Variants in SLC22A15 observed in about 807,000 individuals in gnomAD.
The protein encoded by SLC22A15 is solute carrier family 22 member 15.
In SLC22A15, 45 loss-of-function variants were observed where a neutral mutation model predicts 62.7. The observed-to-expected ratio is 0.72, with a 90% CI of 0.56 to 0.92. The LOEUF is 0.92. Ranked by LOEUF, SLC22A15 falls within the 40% of genes least tolerant of loss-of-function variation. The probability of loss-of-function intolerance (pLI) is 0.00; values close to 1 mark genes in which losing one functional copy is unlikely to be tolerated. For missense variants in SLC22A15, 622 were observed against 665.6 expected (o/e 0.93, Z 0.72); for synonymous variants, 264 against 267.0 (o/e 0.99, Z 0.11).
At chr1:116,041,777 A>G (rs1657790815) in intron 8 of SLC22A15, among the ~76,000 whole-genome samples, 1 of 152,194 alleles carries the variant, frequency 6.6e-6, no homozygotes, top group African/African-American at 2.4e-5. Context: ...TGATTTGAGC[A>G]TGCATTTGAA....
intron 2 of SLC22A15, among the ~76,000 whole-genome samples, chr1:116,018,829 G>T (rs374114168): frequency 1.3e-5 from 2 of 152,148 alleles, no homozygotes; most frequent in East Asian, 1.9e-4. Context: ...TCATCCTACA[G>T]TGATATGGAT....
intron 8 of SLC22A15, among the ~76,000 whole-genome samples, chr1:116,054,214 A>G (rs1658136159): frequency 6.6e-6 from 1 of 152,112 alleles, no homozygotes; most frequent in Non-Finnish European, 1.5e-5. Flanking sequence ...AGGAAGATCT[A>G]CCAAGCAAAT....
chr1:116,039,502 C>T (rs1221385538), intron 8 of SLC22A15, among the ~76,000 whole-genome samples: 1 of 152,006 alleles, frequency 6.6e-6, no homozygotes, highest in African/African-American at 2.4e-5. Context: ...CATTGTATTC[C>T]AGTCTGGGTG....
At chr1:116,005,708 A>C (rs1182033250) in intron 2 of SLC22A15, among the ~76,000 whole-genome samples, 1 of 152,156 alleles carries the variant, frequency 6.6e-6, no homozygotes, top group Non-Finnish European at 1.5e-5. Context: ...CTCAGCCAGC[A>C]TCAGGGAGAA....
intron 8 of SLC22A15, among the ~76,000 whole-genome samples, chr1:116,060,590 C>T (rs1658357269): frequency 6.6e-6 from 1 of 152,110 alleles, no homozygotes; most frequent in Non-Finnish European, 1.5e-5. Flanking sequence ...GAAAACAGTC[C>T]CAGAGATCAT....
At chr1:116,005,017 C>T (rs60118868) in intron 2 of SLC22A15, among the ~76,000 whole-genome samples, 1,598 of 152,110 alleles carry the variant, frequency 0.011, 24 homozygotes, top group African/African-American at 0.036. Flanking sequence ...AAATGATTTC[C>T]CTTCTTTTAT....
intron 5 of SLC22A15, among the ~76,000 whole-genome samples, chr1:116,030,869 A>T (rs1281320469): frequency 6.6e-6 from 1 of 152,168 alleles, no homozygotes; most frequent in African/African-American, 2.4e-5. Flanking sequence ...TATGTTAAAA[A>T]TATTTCAGTT....
chr1:115,997,188 A>G (rs113917697), intron 2 of SLC22A15, among the ~76,000 whole-genome samples: 7 of 152,226 alleles, frequency 4.6e-5, no homozygotes, highest in African/African-American at 9.6e-5. Flanking sequence ...TTTGGTTACT[A>G]TAGCTCTGTA....
intron 8 of SLC22A15, among the ~76,000 whole-genome samples, chr1:116,050,750 G>C (rs1387620328): frequency 6.6e-6 from 1 of 152,138 alleles, no homozygotes; most frequent in African/African-American, 2.4e-5. Context: ...AAGAAATAAA[G>C]GGCATCCAAA....
intron 2 of SLC22A15, among the ~76,000 whole-genome samples, chr1:116,010,733 C>T (rs1007121328): frequency 2.0e-5 from 3 of 152,146 alleles, no homozygotes; most frequent in African/African-American, 4.8e-5. Context: ...GAGACCATAG[C>T]GACTCTCTGA....
chr1:116,033,275 G>A (rs1034675048), intron 6 of SLC22A15, among the ~76,000 whole-genome samples: 2 of 152,132 alleles, frequency 1.3e-5, no homozygotes, highest in African/African-American at 4.8e-5. Flanking sequence ...TAAATATACT[G>A]TTAAATATTA....
chr1:115,976,768 A>G, intron 1 of SLC22A15, 54 bp downstream of exon 1: 1 of 1,398,376 alleles, frequency 7.2e-7, no homozygotes, highest in South Asian at 1.2e-5. Flanking sequence ...CGCCCGGCGC[A>G]GGGCTAGGCG....
At chr1:116,058,067 A>G (rs1658268337) in intron 8 of SLC22A15, among the ~76,000 whole-genome samples, 1 of 150,682 alleles carries the variant, frequency 6.6e-6, no homozygotes, top group African/African-American at 2.4e-5. Context: ...TAATAATAAT[A>G]ATAATACTGA....
At chr1:116,017,124 G>A (rs954254854) in intron 2 of SLC22A15, among the ~76,000 whole-genome samples, 2 of 152,094 alleles carry the variant, frequency 1.3e-5, no homozygotes, top group African/African-American at 4.8e-5. Context: ...GTTTTCACCT[G>A]GGGCCATTGC....
intron 1 of SLC22A15, among the ~76,000 whole-genome samples, chr1:115,988,907 A>G (rs577320861): frequency 3.0e-4 from 45 of 152,204 alleles, no homozygotes; most frequent in African/African-American, 1.1e-3. Context: ...TACCCCTTTC[A>G]TAGCATTTAT....
chr1:116,033,236 G>A (rs181391748), intron 6 of SLC22A15, among the ~76,000 whole-genome samples: 1 of 152,132 alleles, frequency 6.6e-6, no homozygotes, highest in African/African-American at 2.4e-5. Flanking sequence ...TTCCACAATA[G>A]TGCCTTTTTA....
At chr1:116,037,543 T>C (rs1570759733) in intron 8 of SLC22A15, 155 bp downstream of exon 8, 1 of 622,852 alleles carries the variant, frequency 1.6e-6, no homozygotes, top group African/African-American at 1.8e-5. Flanking sequence ...TTCTTTCCTT[T>C]GCTTCAGCTA....
chr1:115,976,703 G>C lies in SLC22A15; in HGVS notation c.76G>C (p.Val26Leu). The C allele has an allele frequency of 6.3e-7, 1 of 1,583,052 alleles. No homozygotes were observed. The highest frequency in any genetic ancestry group is 1.7e-5 in the Admixed American group (1 of 57,270). ...YQMYLCFLLA[V>L]LLQLYVATEA... ...GATGTACTTGTGCTTCCTGCTGGCC[G>C]TGCTGCTGCAGGTAAGTCCCCGCGG... is the stretch of plus-strand genomic sequence containing the variant. Residue 26 changes from valine (V) to leucine (L), a missense_variant, in exon 1 of 12, where the codon GTG becomes CTG. Physicochemically the swap from Val to Leu is conservative, Grantham distance 32 (BLOSUM62 1). Coordinates refer to ENST00000369503, the MANE Select transcript of SLC22A15 (RefSeq NM_018420.3).
At chr1:116,048,476 G>A (rs1481637768) in intron 8 of SLC22A15, among the ~76,000 whole-genome samples, 1 of 152,152 alleles carries the variant, frequency 6.6e-6, no homozygotes, top group Admixed American at 6.5e-5. Context: ...TTTGTATCCA[G>A]TGAAATTAAG....
Sources: allele counts gnomAD v4.1 joint callset (sites outside exome capture counted in the v4.1 genomes callset), GRCh38; gene constraint gnomAD v4.1.1; transcripts MANE v1.5; gene names NCBI Gene and HGNC (gene_info 2026-07-23, HGNC 2026-07-21).